The following SPAG16 variants were observed in gnomAD, a reference collection of about 807,000 sequenced individuals.
SPAG16 encodes sperm-associated antigen 16 protein.
Under a neutral mutation model 80.4 loss-of-function variants are expected in SPAG16, and 86 were observed. The ratio of observed to expected loss-of-function variants is 1.07; its 90% CI spans 0.90 to 1.28. The LOEUF (loss-of-function observed/expected upper bound fraction) is 1.28. Among genes scored for constraint, SPAG16 ranks in the 50% most tolerant of loss-of-function variants. The probability of loss-of-function intolerance (pLI) is 0.00; values close to 1 mark genes in which losing one functional copy is unlikely to be tolerated. For synonymous variants in SPAG16, 294 were observed against 265.9 expected (o/e 1.11, Z -1.03); for missense variants, 870 against 765.3 (o/e 1.14, Z -1.61).
At chr2:214,151,030 C>G (rs1216811501) in intron 15 of SPAG16, among the ~76,000 whole-genome samples, 1 of 151,992 alleles carries the variant, frequency 6.6e-6, no homozygotes, top group Non-Finnish European at 1.5e-5. Context: ...ACGAGGGACT[C>G]TAATGAAAAC....
At chr2:213,538,860 T>C (rs2076338122) in intron 10 of SPAG16, among the ~76,000 whole-genome samples, 1 of 152,188 alleles carries the variant, frequency 6.6e-6, no homozygotes. Flanking sequence ...CTATCATCTA[T>C]ATATCCACAT....
chr2:213,633,849 T>C (rs1452942622), intron 10 of SPAG16, among the ~76,000 whole-genome samples: 1 of 152,182 alleles, frequency 6.6e-6, no homozygotes, highest in Non-Finnish European at 1.5e-5. Flanking sequence ...CAGCTGCTGC[T>C]CTTTTTTGGC....
At chr2:213,375,174 A>T (rs1462162538) in intron 9 of SPAG16, 55 bp downstream of exon 9, 2 of 1,212,368 alleles carry the variant, frequency 1.6e-6, no homozygotes, top group Non-Finnish European at 2.4e-6. Flanking sequence ...AGATCTTTAG[A>T]TCCATTCACT....
At chr2:213,389,913 G>T (rs1244732131) in intron 9 of SPAG16, among the ~76,000 whole-genome samples, 1 of 152,138 alleles carries the variant, frequency 6.6e-6, no homozygotes, top group Admixed American at 6.6e-5. Flanking sequence ...AAAGCAGCAT[G>T]TTAAAAAGAT....
At chr2:213,690,212 G>A (rs77792685) in intron 10 of SPAG16, among the ~76,000 whole-genome samples, 7,773 of 152,094 alleles carry the variant, frequency 0.051, 626 homozygotes, top group African/African-American at 0.17. Context: ...TTAACTCTTC[G>A]TCTTAGTCTT....
In SPAG16 at chr2:214,165,469, C is replaced by CTTTTTT. The variant is rs67726428; in HGVS notation, c.1720+16235_1720+16240dup. The stretch of plus-strand genomic sequence containing the variant: ...TTTAAAAATGCTTTGCATCACCATC[C>CTTTTTT]TTTTTTTTTTTTTTTTTTTTTTTTT... On this transcript the variant is annotated intron_variant, in intron 15 of 15. Transcript: ENST00000331683. Among the ~76,000 whole-genome samples the CTTTTTT allele has an allele frequency of 9.0e-4, 34 of 37,856 alleles. 4 individuals are homozygous for CTTTTTT. Among genetic ancestry groups the CTTTTTT allele is most frequent in the African/African-American group, 2.0e-3 (14 of 7,174 alleles). The allele number at this position is 37,856 out of a possible 152,430, so 24.8% of individuals were successfully genotyped here.
intron 13 of SPAG16, among the ~76,000 whole-genome samples, chr2:214,107,275 A>G (rs1004707491): frequency 1.3e-5 from 2 of 152,164 alleles, no homozygotes; most frequent in Non-Finnish European, 2.9e-5. Context: ...TTCTTTGTCT[A>G]TTTGTTGACA....
At chr2:214,311,727 T>C (rs1362424755) in intron 15 of SPAG16, 1 of 152,084 alleles carries the variant, frequency 6.6e-6, no homozygotes, top group Non-Finnish European at 1.5e-5. Flanking sequence ...TGATCTTCTT[T>C]CTGAGGAGAA....
intron 9 of SPAG16, among the ~76,000 whole-genome samples, chr2:213,470,934 A>C (rs1242256304): frequency 6.6e-6 from 1 of 152,232 alleles, no homozygotes; most frequent in African/African-American, 2.4e-5. Flanking sequence ...CTGCTTCCAC[A>C]TCCCTGATCA....
intron 15 of SPAG16, among the ~76,000 whole-genome samples, chr2:214,288,106 A>G (rs1012546585): frequency 3.4e-5 from 5 of 147,384 alleles, no homozygotes; most frequent in Admixed American, 6.8e-5. Flanking sequence ...TCTGGCATCT[A>G]TAATTCTATT....
rs571913736 is a variant in SPAG16 at position 214,371,258 on chromosome 2, C to T, written c.1721-38882C>T. 5.9e-5 allele frequency among the ~76,000 whole-genome samples: 9 copies of T among 152,150 alleles called. No individual in the cohort carries two copies. The South Asian group carries it at 8.3e-4, about 14-fold the overall frequency. ...TTTTAAGAAGCATATGTTGGCCGGG[C>T]GCAGTGGTTCACACCTGTAATCCCA... On this transcript the variant is annotated intron_variant, in intron 15 of 15. Transcript: ENST00000331683.
chr2:213,947,795 G>T (rs2079540877), intron 12 of SPAG16, among the ~76,000 whole-genome samples: 1 of 152,082 alleles, frequency 6.6e-6, no homozygotes. Flanking sequence ...CTATTCTACT[G>T]ATCTATGCAC....
chr2:213,647,022 G>A (rs1305377018), intron 10 of SPAG16, among the ~76,000 whole-genome samples: 1 of 152,034 alleles, frequency 6.6e-6, no homozygotes, highest in East Asian at 1.9e-4. Flanking sequence ...ATTTTGGAAA[G>A]AAACATAGAT....
chr2:214,175,137 G>A (rs182743650), intron 15 of SPAG16, among the ~76,000 whole-genome samples: 200 of 150,578 alleles, frequency 1.3e-3, no homozygotes, highest in African/African-American at 4.8e-3. Context: ...AGATTAGAAG[G>A]ATATGATGCA....
At chr2:214,143,707 T>C (rs2055488749) in intron 14 of SPAG16, among the ~76,000 whole-genome samples, 1 of 152,182 alleles carries the variant, frequency 6.6e-6, no homozygotes, top group Non-Finnish European at 1.5e-5. Flanking sequence ...TAAAATCAAA[T>C]ACCTAACATG....
At chr2:213,468,339 A>T (rs1036274325) in intron 9 of SPAG16, among the ~76,000 whole-genome samples, 1 of 149,236 alleles carries the variant, frequency 6.7e-6, no homozygotes, top group Non-Finnish European at 1.5e-5. Context: ...CTCTAGAGGG[A>T]CAGAACTAAT....
intron 10 of SPAG16, among the ~76,000 whole-genome samples, chr2:213,598,278 T>C (rs73988561): frequency 0.087 from 13,274 of 152,230 alleles, 1,451 homozygotes; most frequent in African/African-American, 0.26. Context: ...CTTCAGAGGG[T>C]GAAGGGGAAG....
chr2:213,921,592 A>AT (rs547351272), intron 11 of SPAG16, among the ~76,000 whole-genome samples: 1 of 152,242 alleles, frequency 6.6e-6, no homozygotes, highest in South Asian at 2.1e-4. Context: ...GCTGGTTATT[A>AT]TGCAGACTTG....
chr2:214,157,122 G>A (rs2056249349), intron 15 of SPAG16, among the ~76,000 whole-genome samples: 2 of 152,272 alleles, frequency 1.3e-5, no homozygotes, highest in South Asian at 4.1e-4. Flanking sequence ...ACTGAAGGAT[G>A]TCAGACTATG....
Sources: allele counts gnomAD v4.1 joint callset (sites outside exome capture counted in the v4.1 genomes callset), GRCh38; gene constraint gnomAD v4.1.1; transcripts MANE v1.5; gene names NCBI Gene and HGNC (gene_info 2026-07-23, HGNC 2026-07-21).